The following LRTM1 variants were observed in gnomAD, a reference collection of about 807,000 sequenced individuals.
LRTM1 encodes leucine-rich repeat and transmembrane domain-containing protein 1.
LRTM1 carries 38 observed loss-of-function variants against 32.4 expected under a neutral mutation model. That is an observed-to-expected ratio of 1.17 (90% CI 0.91 to 1.54). The LOEUF (loss-of-function observed/expected upper bound fraction) is 1.54. Among genes scored for constraint, LRTM1 ranks in the 40% most tolerant of loss-of-function variants. The probability of loss-of-function intolerance (pLI) is 0.00; values close to 1 mark genes in which losing one functional copy is unlikely to be tolerated. For missense variants in LRTM1, 466 were observed against 415.4 expected, an observed-to-expected ratio of 1.12 and a Z score of -1.06; for synonymous variants, 186 against 169.9, an observed-to-expected ratio of 1.09 and a Z score of -0.74.
intron 1 of LRTM1, among the ~76,000 whole-genome samples, chr3:54,961,194 A>G (rs1472796469): frequency 6.6e-6 from 1 of 152,240 alleles, no homozygotes; most frequent in Non-Finnish European, 1.5e-5. Flanking sequence ...AATCTTTGCC[A>G]TGGTGCACAA....
chr3:54,924,172 A>G (rs931235183), intron 2 of LRTM1, among the ~76,000 whole-genome samples: 5 of 152,216 alleles, frequency 3.3e-5, no homozygotes, highest in Admixed American at 2.6e-4. Context: ...AGAAAGGACA[A>G]TTTTAGAAAA....
At chr3:54,931,759 T>A (rs1231733249), upstream of LRTM1, among the ~76,000 whole-genome samples, 1 of 152,230 alleles carries the variant, frequency 6.6e-6, no homozygotes, top group Non-Finnish European at 1.5e-5. Flanking sequence ...TTCTAATATG[T>A]TAGTCTATTT....
Position 54,918,332 on chromosome 3 carries a change from C to CTT in LRTM1, c.*125_*126dup, listed in dbSNP as rs533596688. Reference sequence around the variant, plus strand: ...TTTTACAGACACATCTTTTTTTTTTCTTTTTTTTTTTTTTTTTTTTTTTGT... The same window carrying CTT: ...TTTTACAGACACATCTTTTTTTTTTCTTTTTTTTTTTTTTTTTTTTTTTTTGT... On this transcript the variant is annotated 3_prime_UTR_variant, in exon 3 of 3. Transcript: ENST00000273286. 428 of 227,982 alleles carry CTT rather than the reference C, an allele frequency of 1.9e-3. 34 individuals carry two copies. The highest frequency in any genetic ancestry group is 4.2e-3 in the African/African-American group (116 of 27,584). The allele number at this position is 227,982 out of a possible 1,614,324, so 14.1% of individuals were successfully genotyped here. A position where few individuals can be genotyped will look rare whatever the true frequency, so the allele number is the denominator to read the frequency against.
At chr3:54,961,395 A>G (rs1261176795) in intron 1 of LRTM1, among the ~76,000 whole-genome samples, 2 of 152,218 alleles carry the variant, frequency 1.3e-5, no homozygotes, top group Admixed American at 6.5e-5. Flanking sequence ...GATGAAATAT[A>G]TGGGAAATCC....
chr3:54,961,885 G>A (rs1702036611), intron 1 of LRTM1, among the ~76,000 whole-genome samples: 2 of 152,108 alleles, frequency 1.3e-5, no homozygotes, highest in African/African-American at 4.8e-5. Flanking sequence ...CTTCTCAGAG[G>A]CTGAGAAGTC....
chr3:54,961,345 T>C (rs1246367574), intron 1 of LRTM1, among the ~76,000 whole-genome samples: 3 of 152,226 alleles, frequency 2.0e-5, no homozygotes, highest in African/African-American at 7.2e-5. Context: ...CATTTATCTG[T>C]ACAATTTGGG....
At chr3:54,935,481 G>GA (rs1701304690) in intron 1 of LRTM1, among the ~76,000 whole-genome samples, 1 of 152,324 alleles carries the variant, frequency 6.6e-6, no homozygotes, top group African/African-American at 2.4e-5. Context: ...AACGGATCAA[G>GA]AAACATGGCA....
intron 2 of LRTM1, among the ~76,000 whole-genome samples, chr3:54,922,403 T>G (rs1464127342): frequency 6.6e-6 from 1 of 151,884 alleles, no homozygotes; most frequent in Non-Finnish European, 1.5e-5. Flanking sequence ...TACAATTTAA[T>G]CCACAATACA....
At chr3:54,918,918 A>T (rs750990226) in intron 2 of LRTM1, 26 bp from the exon 3 acceptor site, 1 of 1,507,518 alleles carries the variant, frequency 6.6e-7, no homozygotes, top group Non-Finnish European at 8.9e-7. Context: ...GCAAAGAACA[A>T]TAACAAAGCC....
intron 1 of LRTM1, among the ~76,000 whole-genome samples, chr3:54,926,941 A>G (rs1450614342): frequency 6.6e-6 from 1 of 152,230 alleles, no homozygotes. Flanking sequence ...GTCATTCACC[A>G]AAGTAGCTGT....
upstream of LRTM1, among the ~76,000 whole-genome samples, chr3:54,931,358 A>T (rs75599010): frequency 0.036 from 5,509 of 152,266 alleles, 296 homozygotes; most frequent in African/African-American, 0.12. Flanking sequence ...GGACACTTGG[A>T]TGTGGAGGCT....
At chr3:54,931,015 G>C (rs577734174), upstream of LRTM1, among the ~76,000 whole-genome samples, 1 of 152,318 alleles carries the variant, frequency 6.6e-6, no homozygotes, top group South Asian at 2.1e-4. Flanking sequence ...AGAATCGCTT[G>C]AACCCAGGAG....
At chr3:54,929,983 A>AT (rs112448959), upstream of LRTM1, among the ~76,000 whole-genome samples, 65 of 152,228 alleles carry the variant, frequency 4.3e-4, no homozygotes, top group African/African-American at 1.4e-3. Context: ...GGTCAGAAAC[A>AT]TTTTTTTGTG....
At chr3:54,921,024 A>G (rs1251316622) in intron 2 of LRTM1, among the ~76,000 whole-genome samples, 1 of 152,144 alleles carries the variant, frequency 6.6e-6, no homozygotes. Context: ...CTCAGCCGGG[A>G]TGCAACTCCC....
chr3:54,942,322 T>G (rs967923310), intron 1 of LRTM1, among the ~76,000 whole-genome samples: 1 of 152,166 alleles, frequency 6.6e-6, no homozygotes, highest in South Asian at 2.1e-4. Flanking sequence ...GCCCAAGAAG[T>G]AGGGGCTGAC....
chr3:54,928,306 A>C (rs1701085956), upstream of LRTM1, among the ~76,000 whole-genome samples: 1 of 152,044 alleles, frequency 6.6e-6, no homozygotes, highest in Non-Finnish European at 1.5e-5. Flanking sequence ...TTGATTATTT[A>C]ATCTGCTTGA....
upstream of LRTM1, among the ~76,000 whole-genome samples, chr3:54,931,326 C>A (rs1239386534): frequency 1.3e-5 from 2 of 152,320 alleles, no homozygotes; most frequent in Non-Finnish European, 2.9e-5. Context: ...ACAATGCACA[C>A]ATGGCCTGGA....
intron 1 of LRTM1, among the ~76,000 whole-genome samples, chr3:54,957,444 C>A (rs1358531012): frequency 2.0e-5 from 3 of 148,496 alleles, no homozygotes; most frequent in Non-Finnish European, 2.9e-5. Context: ...CCACCACACC[C>A]AACCATAAAA....
intron 1 of LRTM1, among the ~76,000 whole-genome samples, chr3:54,940,016 A>G (rs1701427813): frequency 1.3e-5 from 2 of 151,838 alleles, no homozygotes; most frequent in South Asian, 2.1e-4. Flanking sequence ...GCAGATGAGC[A>G]TCTCAGAAAG....
Sources: gnomAD v4.1 joint callset for allele counts (sites outside exome capture counted in the v4.1 genomes callset) on GRCh38, gnomAD v4.1.1 for gene constraint, MANE v1.5 for transcripts, NCBI Gene and HGNC (gene_info 2026-07-23, HGNC 2026-07-21) for gene names.